Variants in ADSS1 observed in about 807,000 individuals in gnomAD.
ADSS1 encodes the protein adenylosuccinate synthetase isozyme 1.
In ADSS1, 57 loss-of-function variants were observed where a neutral mutation model predicts 59.1. That is an observed-to-expected ratio of 0.97 (90% CI 0.78 to 1.20). The LOEUF (loss-of-function observed/expected upper bound fraction) is 1.20, where lower values mean the gene tolerates loss of function less well. Among genes scored for constraint, ADSS1 ranks in the 50% most tolerant of loss-of-function variants. The probability of loss-of-function intolerance (pLI) is 0.00; values close to 1 mark genes in which losing one functional copy is unlikely to be tolerated. For synonymous variants in ADSS1, 247 were observed against 249.4 expected (o/e 0.99, Z 0.09); for missense variants, 603 against 610.3 (o/e 0.99, Z 0.13).
intron 1 of ADSS1, among the ~76,000 whole-genome samples, chr14:104,734,324 C>T (rs1595200447): frequency 6.6e-6 from 1 of 152,200 alleles, no homozygotes; most frequent in Non-Finnish European, 1.5e-5. Context: ...GGTTCTTGCC[C>T]CACCTGGAGA....
chr14:104,729,178 G>A (rs1174514100), intron 1 of ADSS1, among the ~76,000 whole-genome samples: 1 of 152,178 alleles, frequency 6.6e-6, no homozygotes, highest in Non-Finnish European at 1.5e-5. Flanking sequence ...GGCAGTAAAG[G>A]GCCTATGGAC....
At chr14:104,744,561 C>T in intron 10 of ADSS1, 3 of 521,038 alleles carry the variant, frequency 5.8e-6, no homozygotes, top group Non-Finnish European at 1.0e-5. Flanking sequence ...ATGCACAGTT[C>T]ACAATAGGGT....
At position 104,724,356 on chromosome 14, in the gene ADSS1, C is replaced by T; in HGVS notation, c.86C>T (p.Thr29Ile). 1 of 1,246,550 alleles carries T rather than the reference C, an allele frequency of 8.0e-7. No individual in the cohort carries two copies. Among genetic ancestry groups the T allele is most frequent in the Non-Finnish European group, 1.0e-6 (1 of 990,610 alleles). 77.2% of individuals were successfully genotyped at this position (1,246,550 alleles called of 1,614,324 possible). A position where few individuals can be genotyped will look rare whatever the true frequency, so the allele number is the denominator to read the frequency against. ...RGRLQQEAAATGSRVTVVLGA... is the reference protein window; with the variant it reads ...RGRLQQEAAAIGSRVTVVLGA... ...CGGCTGCAGCAGGAGGCGGCGGCGA[C>T]CGGCTCCCGCGTGACGGTGGTGCTG... Residue 29 changes from threonine to isoleucine, a missense_variant, in exon 1 of 13, where the codon ACC becomes ATC. Physicochemically the swap from Thr to Ile is moderately conservative, Grantham distance 89 (BLOSUM62 -1). Transcript: ENST00000330877.
In ADSS1 at chr14:104,740,742, G is replaced by A; in HGVS notation, c.584+34G>A. The A allele has an allele frequency of 6.2e-7, 1 of 1,613,272 alleles. No individual in the cohort carries two copies. Among genetic ancestry groups the A allele is most frequent in the South Asian group, 1.1e-5 (1 of 91,072 alleles). On this transcript the variant is annotated intron_variant, in intron 6 of 12. Transcript: ENST00000330877. This position sits in a 1 kb window ranked among gnomAD's most constrained non-coding sequence, Gnocchi z 4.8. ...GCCGTCTGCAGTCCCCGGGGAGGAT[G>A]GGGAGAAGTTGCCGGAAGGGACTGT...
At chr14:104,724,911 TC>T (rs1194308970) in intron 1 of ADSS1, among the ~76,000 whole-genome samples, 1 of 152,002 alleles carries the variant, frequency 6.6e-6, no homozygotes, top group African/African-American at 2.4e-5. Flanking sequence ...CTTACCTGGC[TC>T]CCCGCAAGGT....
intron 2 of ADSS1, among the ~76,000 whole-genome samples, chr14:104,736,816 G>GGCA (rs1311266923): frequency 6.7e-6 from 1 of 148,882 alleles, no homozygotes; most frequent in African/African-American, 2.5e-5. Flanking sequence ...ACTGGGCCCA[G>GGCA]GGGATCCCCC....
In ADSS1 at chr14:104,730,109, G is replaced by C. The variant is rs1014444587; in HGVS notation, c.193-4911G>C. 7.1e-6 allele frequency: 11 copies of C among 1,549,664 alleles called. No individual in the cohort carries two copies. Among genetic ancestry groups the C allele is most frequent in the Non-Finnish European group, 9.6e-6 (11 of 1,146,516 alleles). ...TGGAGGCCCAACTAGGGTGACGCTGGGAGAGGAGAGGGCTTGGAGGAGCCA... is the reference window on the plus strand; with the variant it reads ...TGGAGGCCCAACTAGGGTGACGCTGCGAGAGGAGAGGGCTTGGAGGAGCCA... On this transcript the variant is annotated intron_variant, in intron 1 of 12. Coordinates refer to ENST00000330877, the MANE Select transcript of ADSS1 (RefSeq NM_152328.5).
chr14:104,743,681 C>T (rs1891457529), intron 10 of ADSS1: 1 of 168,234 alleles, frequency 5.9e-6, no homozygotes. Flanking sequence ...CTTTCCAGCT[C>T]AGTCAGACAG....
intron 2 of ADSS1, among the ~76,000 whole-genome samples, chr14:104,736,902 A>ATATATATATATATATATATATG (rs1566798282): frequency 4.4e-5 from 6 of 137,880 alleles, no homozygotes; most frequent in African/African-American, 1.4e-4. Flanking sequence ...ATATATATAT[A>ATATATATATATATATATATATG]TATATATATA....
chr14:104,735,662 G>C (rs117966472), intron 2 of ADSS1, among the ~76,000 whole-genome samples: 1 of 152,162 alleles, frequency 6.6e-6, no homozygotes, highest in African/African-American at 2.4e-5. Context: ...TGCTGCAGAG[G>C]GACCTCCTTC....
intron 1 of ADSS1, chr14:104,729,861 G>C: frequency 7.1e-7 from 1 of 1,414,494 alleles, no homozygotes; most frequent in Non-Finnish European, 9.3e-7. Context: ...GGAGCGTGGC[G>C]TCGGCGTCGT....
chr14:104,731,408 T>A (rs895215263), intron 1 of ADSS1, among the ~76,000 whole-genome samples: 1 of 152,216 alleles, frequency 6.6e-6, no homozygotes, highest in African/African-American at 2.4e-5. Flanking sequence ...AGCATGTGGC[T>A]CAGCCCATTG....
chr14:104,733,457 C>T (rs1443724459), intron 1 of ADSS1, among the ~76,000 whole-genome samples: 3 of 152,192 alleles, frequency 2.0e-5, no homozygotes, highest in East Asian at 1.9e-4. Flanking sequence ...TGCCACGAGG[C>T]GCCGGGGCTG....
chr14:104,743,614 G>C (rs373987756), intron 10 of ADSS1: 1 of 177,878 alleles, frequency 5.6e-6, no homozygotes, highest in Non-Finnish European at 1.2e-5. Context: ...CCAGCTGTTC[G>C]GGCTGTCTCC....
At chr14:104,734,970 G>T in intron 1 of ADSS1, 50 bp from the exon 2 acceptor site, 1 of 1,534,010 alleles carries the variant, frequency 6.5e-7, no homozygotes, top group East Asian at 2.3e-5. Context: ...CCATGTCCGG[G>T]GGGTCCTCAG....
At position 104,735,000 on chromosome 14, in the gene ADSS1, C is replaced by T. The variant is rs1474539149; in HGVS notation, c.193-20C>T. ...CCTCAGTACCCAAGTGCCTTCAGCTCAGCCGGGTTTCTGTTCCAGGGGGGC... is the reference window on the plus strand; with the variant it reads ...CCTCAGTACCCAAGTGCCTTCAGCTTAGCCGGGTTTCTGTTCCAGGGGGGC... On this transcript the variant is annotated intron_variant, in intron 1 of 12. Transcript: ENST00000330877. The T allele has an allele frequency of 3.1e-6, 5 of 1,609,022 alleles. No homozygotes were observed. The highest frequency in any genetic ancestry group is 2.7e-5 in the African/African-American group (2 of 74,896).
chr14:104,741,247 T>C lies in ADSS1; in HGVS notation c.793+4T>C, dbSNP rs201574691. Reference sequence around the variant, plus strand: ...GCCCTCCTCGACATTGACTTCGGTATGTCCGGGAGGGTGTGCGTGCCAACG... The same window carrying C: ...GCCCTCCTCGACATTGACTTCGGTACGTCCGGGAGGGTGTGCGTGCCAACG... On this transcript the variant is annotated splice_donor_region_variant and intron_variant, in intron 8 of 12. Coordinates refer to ENST00000330877, the MANE Select transcript of ADSS1 (RefSeq NM_152328.5). The C allele has an allele frequency of 5.5e-5, 86 of 1,565,092 alleles. No homozygotes were observed. In the East Asian group the frequency reaches 1.9e-3, roughly 35 times the overall value.
chr14:104,731,061 TAGAG>T (rs35712734), intron 1 of ADSS1, among the ~76,000 whole-genome samples: 70,389 of 144,948 alleles, frequency 0.49, 16,774 homozygotes, highest in East Asian at 0.6. Flanking sequence ...TGGAGGCAGG[TAGAG>T]AGCGCCAGGG....
At chr14:104,745,167 A>G in intron 11 of ADSS1, 1 of 431,320 alleles carries the variant, frequency 2.3e-6, no homozygotes, top group Non-Finnish European at 4.3e-6. Context: ...AGGGGGACAG[A>G]CTACTCGCCT....
Sources: allele counts gnomAD v4.1 joint callset (sites outside exome capture counted in the v4.1 genomes callset), GRCh38; gene constraint gnomAD v4.1.1; non-coding constraint Gnocchi (gnomAD v3.1); transcripts MANE v1.5; gene names NCBI Gene and HGNC (gene_info 2026-07-23, HGNC 2026-07-21).